Variants in ADGRL4 observed in about 807,000 individuals in gnomAD.
ADGRL4 encodes EGF, latrophilin and seven transmembrane domain containing 1.
ADGRL4 carries 90 observed loss-of-function variants against 74.8 expected under a neutral mutation model. That is an observed-to-expected ratio of 1.20 (90% CI 1.02 to 1.43). The LOEUF (loss-of-function observed/expected upper bound fraction) is 1.43, where lower values mean the gene tolerates loss of function less well. Among genes scored for constraint, ADGRL4 ranks in the 40% most tolerant of loss-of-function variants. The probability of loss-of-function intolerance (pLI) is 0.00; values close to 1 mark genes in which losing one functional copy is unlikely to be tolerated. For synonymous variants in ADGRL4, 311 were observed against 279.2 expected (o/e 1.11, Z -1.14); for missense variants, 881 against 814.3 (o/e 1.08, Z -1.00).
In ADGRL4 at chr1:78,926,919, A is replaced by T. The variant is rs1266126402; in HGVS notation, c.1050T>A (p.Leu350=). The part of the protein sequence containing the change: ...MSSNPPTLYE[L]EKITFTLSHR... Reference sequence around the variant, plus strand: ...GACTTAATGTAAATGTTATTTTTTCAAGTTCATATAATGTGGGTGGGTTTG... The same window carrying T: ...GACTTAATGTAAATGTTATTTTTTCTAGTTCATATAATGTGGGTGGGTTTG... The change falls in exon 8 of 15, where the codon CTT becomes CTA. Residue 350 remains leucine, a synonymous_variant. Transcript: ENST00000370742. 6.2e-7 allele frequency: 1 copy of T among 1,611,388 alleles called. No individual in the cohort carries two copies. The highest frequency in any genetic ancestry group is 2.2e-5 in the East Asian group (1 of 44,660).
intron 2 of ADGRL4, among the ~76,000 whole-genome samples, chr1:78,960,637 G>A (rs914492457): frequency 6.6e-6 from 1 of 152,122 alleles, no homozygotes; most frequent in Non-Finnish European, 1.5e-5. Context: ...GCAATGGACT[G>A]CTGCTTGTGT....
intron 14 of ADGRL4, 62 bp downstream of exon 14, chr1:78,891,462 T>C: frequency 6.6e-7 from 1 of 1,509,846 alleles, no homozygotes; most frequent in Non-Finnish European, 9.0e-7. Flanking sequence ...GAATTTTCTA[T>C]CAATTTGGCA....
At chr1:78,948,922 C>T (rs1649667497) in intron 2 of ADGRL4, among the ~76,000 whole-genome samples, 1 of 152,050 alleles carries the variant, frequency 6.6e-6, no homozygotes, top group African/African-American at 2.4e-5. Context: ...GCCCTGCTGT[C>T]AGAGTTCACA....
chr1:78,939,309 C>T (rs775422402), intron 3 of ADGRL4, 51 bp from the exon 4 acceptor site: 2 of 1,442,080 alleles, frequency 1.4e-6, no homozygotes, highest in African/African-American at 1.4e-5. Flanking sequence ...AGTATTTTTC[C>T]TAAGCTGATC....
chr1:79,002,658 A>G (rs1650868683), intron 2 of ADGRL4, among the ~76,000 whole-genome samples: 1 of 152,102 alleles, frequency 6.6e-6, no homozygotes, highest in Non-Finnish European at 1.5e-5. Context: ...TGGTAGAGCT[A>G]ATACTTGAAT....
chr1:78,927,061 TTATAA>T lies in ADGRL4; in HGVS notation c.903_907del (p.Tyr301Ter), dbSNP rs752731521. On this transcript the variant is annotated stop_gained and frameshift_variant, in exon 8 of 15. Transcript: ENST00000370742. LOFTEE classifies it high-confidence loss of function. The stretch of plus-strand genomic sequence containing the variant: ...TGATGAAAGCAAAGGACCAATACTC[TTATAA>T]TATACAAATGCAACTGCAACATTGC... 9 of 1,604,126 alleles carry T rather than the reference TTATAA, an allele frequency of 5.6e-6. No individual in the cohort carries two copies. Among genetic ancestry groups the T allele is most frequent in the Non-Finnish European group, 7.7e-6 (9 of 1,173,002 alleles).
intron 2 of ADGRL4, among the ~76,000 whole-genome samples, chr1:78,976,052 A>G (rs1650271251): frequency 1.3e-5 from 2 of 152,038 alleles, no homozygotes; most frequent in Admixed American, 1.3e-4. Flanking sequence ...GCTTTGAGAG[A>G]GTTCAAGAGG....
At position 78,986,685 on chromosome 1, in the gene ADGRL4, A is replaced by T. The variant is rs558608401; in HGVS notation, c.172+18385T>A. On this transcript the variant is annotated intron_variant, in intron 2 of 14. Transcript: ENST00000370742. Reference sequence around the variant, plus strand: ...CTTTTTGAATAGTTGGGGTAAAAGTAAAATTTTTCAACTTATAAAATAACA... The same window carrying T: ...CTTTTTGAATAGTTGGGGTAAAAGTTAAATTTTTCAACTTATAAAATAACA... Among the ~76,000 whole-genome samples, 5 of 151,918 alleles carry T rather than the reference A, an allele frequency of 3.3e-5. No homozygotes were observed. In the South Asian group the frequency reaches 1.0e-3, roughly 31 times the overall value.
At chr1:78,978,499 A>G (rs1267739544) in intron 2 of ADGRL4, among the ~76,000 whole-genome samples, 2 of 152,048 alleles carry the variant, frequency 1.3e-5, no homozygotes, top group African/African-American at 4.8e-5. Context: ...CTTCTCGTCC[A>G]ATTCCTCAGG....
At chr1:78,979,898 G>T (rs573151283) in intron 2 of ADGRL4, among the ~76,000 whole-genome samples, 4 of 151,996 alleles carry the variant, frequency 2.6e-5, no homozygotes, top group African/African-American at 9.6e-5. Flanking sequence ...GGGAAGGGTA[G>T]GAGGGAGAGA....
At chr1:78,980,564 A>AT (rs1650378062) in intron 2 of ADGRL4, among the ~76,000 whole-genome samples, 1 of 152,014 alleles carries the variant, frequency 6.6e-6, no homozygotes, top group Non-Finnish European at 1.5e-5. Flanking sequence ...CTGAGGAGTT[A>AT]AAGCTTTATT....
At chr1:78,932,613 C>CAAAAA (rs557004722) in intron 7 of ADGRL4, among the ~76,000 whole-genome samples, 1,400 of 57,140 alleles carry the variant, frequency 0.025, 50 homozygotes, top group African/African-American at 0.064. Flanking sequence ...AAAACCCCTC[C>CAAAAA]AAAAAAAAAA....
chr1:78,928,715 T>G (rs1367827825), intron 7 of ADGRL4, among the ~76,000 whole-genome samples: 1 of 151,556 alleles, frequency 6.6e-6, no homozygotes, highest in African/African-American at 2.4e-5. Flanking sequence ...TACTTTAGAA[T>G]TAATACCTAT....
chr1:78,950,842 A>G (rs963894717), intron 2 of ADGRL4, among the ~76,000 whole-genome samples: 1 of 152,144 alleles, frequency 6.6e-6, no homozygotes, highest in African/African-American at 2.4e-5. Flanking sequence ...GGATAAATTG[A>G]TCCACTTACC....
intron 1 of ADGRL4, among the ~76,000 whole-genome samples, 157 bp downstream of exon 1, chr1:79,006,476 C>A (rs901926407): frequency 2.0e-5 from 3 of 152,182 alleles, no homozygotes; most frequent in Non-Finnish European, 2.9e-5. Context: ...GTTGAAAGGT[C>A]AAGGAGAAAA....
In ADGRL4 at chr1:78,984,182, A is replaced by G. The variant is rs1473336005; in HGVS notation, c.172+20888T>C. ...ACAAAGTAAGATGGTTCTTATCACTATTGTTACTATTACTACTATTTAAAA... is the reference window on the plus strand; with the variant it reads ...ACAAAGTAAGATGGTTCTTATCACTGTTGTTACTATTACTACTATTTAAAA... On this transcript the variant is annotated intron_variant, in intron 2 of 14. Transcript: ENST00000370742. Among the ~76,000 whole-genome samples, 9 of 151,874 alleles carry G rather than the reference A, an allele frequency of 5.9e-5. No homozygotes were observed. In the East Asian group the frequency reaches 1.4e-3, roughly 23 times the overall value.
At chr1:78,967,973 C>T (rs927374250) in intron 2 of ADGRL4, among the ~76,000 whole-genome samples, 1 of 152,026 alleles carries the variant, frequency 6.6e-6, no homozygotes, top group Non-Finnish European at 1.5e-5. Flanking sequence ...TTTTCTGAGG[C>T]TCCAGAGGGT....
intron 2 of ADGRL4, among the ~76,000 whole-genome samples, chr1:78,985,932 A>G (rs1414640793): frequency 6.6e-6 from 1 of 151,874 alleles, no homozygotes; most frequent in East Asian, 1.9e-4. Context: ...AGAAAACCAA[A>G]TAATGCCATG....
intron 8 of ADGRL4, among the ~76,000 whole-genome samples, chr1:78,921,994 T>C (rs1383941082): frequency 5.9e-5 from 9 of 152,010 alleles, no homozygotes; most frequent in Non-Finnish European, 1.2e-4. Flanking sequence ...CACAAACGTG[T>C]GGTAATTTTC....
Sources: gnomAD v4.1 joint callset for allele counts (sites outside exome capture counted in the v4.1 genomes callset) on GRCh38, gnomAD v4.1.1 for gene constraint, MANE v1.5 for transcripts, NCBI Gene and HGNC (gene_info 2026-07-23, HGNC 2026-07-21) for gene names.